NXPE2: variants seen among roughly 807,000 people sequenced by gnomAD.
The protein encoded by NXPE2 is NXPE family member 2.
NXPE2 carries 34 observed loss-of-function variants against 34.4 expected under a neutral mutation model. That is an observed-to-expected ratio of 0.99 (90% confidence interval 0.75 to 1.31). The LOEUF (loss-of-function observed/expected upper bound fraction) is 1.31. Ranked by LOEUF, NXPE2 falls within the 40% of genes most tolerant of loss-of-function variation. NXPE2 has a pLI of 0.00. For missense variants in NXPE2, 649 were observed against 672.5 expected (o/e 0.97, Z 0.39); for synonymous variants, 235 against 231.3 (o/e 1.02, Z -0.15).
At chr11:114,493,865 C>G in the NXPE2 span, among the ~76,000 whole-genome samples, 1 of 151,980 alleles carries the variant, frequency 6.6e-6, no homozygotes, top group Admixed American at 6.6e-5. Context: ...GAAGAACTCC[C>G]TTTATCATTT....
the NXPE2 span, among the ~76,000 whole-genome samples, chr11:114,658,038 A>G: frequency 6.6e-6 from 1 of 152,170 alleles, no homozygotes; most frequent in Non-Finnish European, 1.5e-5. Context: ...TTGTCTTCCT[A>G]ACATAATTTT....
upstream of NXPE2, among the ~76,000 whole-genome samples, chr11:114,676,069 C>T (rs1368729206): frequency 6.6e-6 from 1 of 151,802 alleles, no homozygotes; most frequent in Non-Finnish European, 1.5e-5. Context: ...GAAACTAGAA[C>T]CTTATCTCAC....
the NXPE2 span, among the ~76,000 whole-genome samples, chr11:114,587,113 G>A: frequency 7.2e-5 from 11 of 151,980 alleles, no homozygotes; most frequent in Admixed American, 2.0e-4. Context: ...CCTAATTCTC[G>A]CTTTTTTTGC....
the NXPE2 span, chr11:114,521,842 C>A: frequency 2.8e-6 from 2 of 719,608 alleles, no homozygotes; most frequent in Non-Finnish European, 4.5e-6. Context: ...ACATAGCCTT[C>A]CTCCCCAAAC....
At chr11:114,553,945 C>A in the NXPE2 span, 7 of 985,336 alleles carry the variant, frequency 7.1e-6, no homozygotes, top group Non-Finnish European at 8.4e-6. Context: ...TCTGGGAGAG[C>A]AGGTTTGTCA....
the NXPE2 span, among the ~76,000 whole-genome samples, chr11:114,569,949 C>T: frequency 6.6e-6 from 1 of 152,112 alleles, no homozygotes; most frequent in African/African-American, 2.4e-5. Context: ...TTATTATAGG[C>T]CCAGAGAGTG....
At chr11:114,583,608 C>T in the NXPE2 span, 1 of 594,578 alleles carries the variant, frequency 1.7e-6, no homozygotes, top group Non-Finnish European at 3.3e-6. Flanking sequence ...GGCTCTGTGG[C>T]AAGTGCTGTG....
At chr11:114,790,558 A>G in the NXPE2 span, among the ~76,000 whole-genome samples, 15 of 152,146 alleles carry the variant, frequency 9.9e-5, no homozygotes, top group Middle Eastern at 3.4e-3. Flanking sequence ...GCTATCCCCA[A>G]TTTCCCAGAA....
At chr11:114,491,182 G>T in the NXPE2 span, among the ~76,000 whole-genome samples, 3 of 121,710 alleles carry the variant, frequency 2.5e-5, no homozygotes, top group East Asian at 5.0e-4. Flanking sequence ...AAAAAAAAAA[G>T]AGTTTCTGCA....
chr11:114,726,625 T>G, the NXPE2 span, among the ~76,000 whole-genome samples: 1 of 152,096 alleles, frequency 6.6e-6, no homozygotes, highest in African/African-American at 2.4e-5. Flanking sequence ...TTAATTTTGG[T>G]TCCTTTTTGC....
the NXPE2 span, among the ~76,000 whole-genome samples, chr11:114,793,506 G>A: frequency 6.6e-6 from 1 of 152,176 alleles, no homozygotes; most frequent in African/African-American, 2.4e-5. Context: ...AAAACCCAGC[G>A]AGAGGGAGGG....
chr11:114,520,945 A>T, the NXPE2 span, among the ~76,000 whole-genome samples: 612 of 152,334 alleles, frequency 4.0e-3, 2 homozygotes, highest in African/African-American at 0.014. Flanking sequence ...AAGTTTGAGC[A>T]GTGGATTCAG....
At chr11:114,468,509 C>T in the NXPE2 span, among the ~76,000 whole-genome samples, 1 of 152,302 alleles carries the variant, frequency 6.6e-6, no homozygotes, top group East Asian at 1.9e-4. Flanking sequence ...CCTTTATTAC[C>T]TCCCAGGGAT....
At chr11:114,491,315 A>T in the NXPE2 span, among the ~76,000 whole-genome samples, 1 of 152,236 alleles carries the variant, frequency 6.6e-6, no homozygotes, top group South Asian at 2.1e-4. Flanking sequence ...ACAAATTTAC[A>T]AGAAAAAAAC....
At chr11:114,712,983 G>A in the NXPE2 span, among the ~76,000 whole-genome samples, 51,396 of 151,898 alleles carry the variant, frequency 0.34, 8,713 homozygotes, top group East Asian at 0.42. Flanking sequence ...TACACACATG[G>A]ATGAACCTTG....
the NXPE2 span, among the ~76,000 whole-genome samples, chr11:114,672,552 C>A: frequency 5.3e-5 from 8 of 151,908 alleles, no homozygotes; most frequent in Non-Finnish European, 1.0e-4. Flanking sequence ...GGGACAAGAT[C>A]CAACTAACAT....
At chr11:114,803,017 GAGATCAGCATCTCTCAAGGA>G in the NXPE2 span, among the ~76,000 whole-genome samples, 2 of 152,170 alleles carry the variant, frequency 1.3e-5, no homozygotes, top group Admixed American at 1.3e-4. Flanking sequence ...CCCAGGGTGT[GAGATCAGCATCTCTCAAGGA>G]AGATCAGACG....
chr11:114,692,023 C>A (rs1019911281), intron 2 of NXPE2, among the ~76,000 whole-genome samples: 2 of 152,096 alleles, frequency 1.3e-5, no homozygotes, highest in Non-Finnish European at 2.9e-5. Flanking sequence ...AGGCCTGTGA[C>A]AGGAAAAAGA....
At chr11:114,632,140 ATTT>A in the NXPE2 span, among the ~76,000 whole-genome samples, 1 of 143,814 alleles carries the variant, frequency 7.0e-6, no homozygotes, top group Non-Finnish European at 1.5e-5. Context: ...ATATATTATA[ATTT>A]ATTATGTTAT....
Sources: allele counts gnomAD v4.1 joint callset (sites outside exome capture counted in the v4.1 genomes callset), GRCh38; gene constraint gnomAD v4.1.1; transcripts MANE v1.5; gene names NCBI Gene and HGNC (gene_info 2026-07-23, HGNC 2026-07-21).